The following SGCD variants were observed in gnomAD, a reference collection of about 807,000 sequenced individuals.
SGCD encodes delta-sarcoglycan.
Under a neutral mutation model 36.6 loss-of-function variants are expected in SGCD, and 18 were observed. The observed-to-expected ratio is 0.49, with a 90% CI of 0.34 to 0.73. SGCD has a LOEUF of 0.73. Among genes scored for constraint, SGCD ranks in the 30% least tolerant of loss-of-function variants. The pLI, the probability that SGCD is intolerant of heterozygous loss-of-function variation, is 0.01. For missense variants in SGCD, 387 were observed against 346.7 expected (o/e 1.12, Z -0.92); for synonymous variants, 133 against 130.6 (o/e 1.02, Z -0.12).
intron 1 of SGCD, among the ~76,000 whole-genome samples, chr5:155,958,895 C>T (rs1352297908): frequency 6.6e-6 from 1 of 152,068 alleles, no homozygotes; most frequent in Non-Finnish European, 1.5e-5. Context: ...TGAAGGCAGG[C>T]AGTAGGGGTG....
At chr5:156,317,673 T>G (rs112605365) in intron 3 of SGCD, among the ~76,000 whole-genome samples, 7 of 152,330 alleles carry the variant, frequency 4.6e-5, no homozygotes, top group African/African-American at 1.4e-4. Context: ...GTTCTGTGTT[T>G]TGATTTTGCT....
chr5:156,122,825 T>G (rs112321463), intron 2 of SGCD, among the ~76,000 whole-genome samples: 1 of 111,468 alleles, frequency 9.0e-6, no homozygotes, highest in Non-Finnish European at 1.7e-5. Flanking sequence ...TGCACCAGCA[T>G]GGTAGTAAAA....
At chr5:155,734,981 G>A in the SGCD span, among the ~76,000 whole-genome samples, 1 of 152,144 alleles carries the variant, frequency 6.6e-6, no homozygotes, top group Non-Finnish European at 1.5e-5. Context: ...CTATATATAA[G>A]CTTCTTGAGA....
At chr5:156,370,172 C>A (rs574117054) in intron 3 of SGCD, among the ~76,000 whole-genome samples, 1 of 152,076 alleles carries the variant, frequency 6.6e-6, no homozygotes, top group African/African-American at 2.4e-5. Flanking sequence ...TACTTTATTA[C>A]GCACAGGCTC....
intron 1 of SGCD, among the ~76,000 whole-genome samples, chr5:156,057,199 C>T (rs1374568798): frequency 8.9e-5 from 13 of 146,204 alleles, no homozygotes; most frequent in Admixed American, 6.8e-4. Context: ...AGTATTATCC[C>T]ATTAATATAT....
At chr5:156,663,542 C>G (rs1764021100) in intron 7 of SGCD, among the ~76,000 whole-genome samples, 2 of 147,802 alleles carry the variant, frequency 1.4e-5, no homozygotes, top group African/African-American at 2.6e-5. Flanking sequence ...TTGAGCAATC[C>G]TGTCTCTTGG....
At chr5:155,731,109 AAGAC>A in the SGCD span, among the ~76,000 whole-genome samples, 10 of 152,182 alleles carry the variant, frequency 6.6e-5, no homozygotes, top group South Asian at 2.1e-4. Context: ...AAAAAGGAGA[AAGAC>A]AGAGGGGCAC....
intron 4 of SGCD, among the ~76,000 whole-genome samples, chr5:156,515,560 G>A (rs1021574218): frequency 1.3e-5 from 2 of 152,188 alleles, no homozygotes; most frequent in African/African-American, 4.8e-5. Context: ...GCAATGGGGA[G>A]TTCCCGCCCC....
the SGCD span, among the ~76,000 whole-genome samples, chr5:155,823,560 T>G: frequency 5.3e-5 from 8 of 152,302 alleles, no homozygotes; most frequent in Admixed American, 1.3e-4. Flanking sequence ...CATGGTTATT[T>G]GTCTTCTGCA....
intron 3 of SGCD, among the ~76,000 whole-genome samples, chr5:156,353,662 T>C (rs1376860300): frequency 6.6e-6 from 1 of 152,216 alleles, no homozygotes; most frequent in Non-Finnish European, 1.5e-5. Flanking sequence ...CTTCCTCTAC[T>C]GAGAAAATCA....
intron 1 of SGCD, among the ~76,000 whole-genome samples, chr5:156,016,080 C>A (rs1480081232): frequency 6.6e-6 from 1 of 152,058 alleles, no homozygotes; most frequent in African/African-American, 2.4e-5. Context: ...TCCCTTCTTT[C>A]ACAGTGAGAA....
At chr5:156,570,223 G>A (rs932153217) in intron 4 of SGCD, among the ~76,000 whole-genome samples, 11 of 152,094 alleles carry the variant, frequency 7.2e-5, no homozygotes, top group Admixed American at 5.9e-4. Flanking sequence ...TGGCACTGTT[G>A]TTTGGCATTT....
intron 3 of SGCD, among the ~76,000 whole-genome samples, chr5:156,190,020 G>C (rs1439221966): frequency 6.6e-6 from 1 of 152,088 alleles, no homozygotes; most frequent in Non-Finnish European, 1.5e-5. Flanking sequence ...TCTCTGGTTG[G>C]CTTCCTATTT....
chr5:156,450,678 T>C lies in SGCD; in HGVS notation c.193-57923T>C, dbSNP rs562721467. On this transcript the variant is annotated intron_variant, in intron 3 of 8. Transcript: ENST00000337851. ...TTATGGTGGGAGTTGTGGAATCCTA[T>C]TGCCAACAAAACACTGGCATTCATT... Among the ~76,000 whole-genome samples, 10 of 152,246 alleles carry C rather than the reference T, an allele frequency of 6.6e-5. No homozygotes were observed. In the South Asian group the frequency reaches 2.1e-3, roughly 32 times the overall value.
intron 3 of SGCD, among the ~76,000 whole-genome samples, chr5:156,218,868 T>A (rs1325766849): frequency 6.6e-6 from 1 of 152,176 alleles, no homozygotes; most frequent in Non-Finnish European, 1.5e-5. Context: ...TATCCCCTAT[T>A]TATACATAAT....
chr5:155,781,241 T>C, the SGCD span, among the ~76,000 whole-genome samples: 3 of 152,232 alleles, frequency 2.0e-5, no homozygotes, highest in Admixed American at 6.5e-5. Context: ...TTGTTGAAGA[T>C]TTTTTTGGTA....
In SGCD at chr5:156,223,042, A is replaced by G. The variant is rs146746423; in HGVS notation, c.-44+99023A>G. Among the ~76,000 whole-genome samples the G allele has an allele frequency of 3.8e-4, 58 of 152,230 alleles. No individual in the cohort carries two copies. In the East Asian group the frequency reaches 0.01, roughly 27 times the overall value. ...TTGAGATGCATTTTTCTGGATGTAAATAACAGTTATGATAAGTATGAAAAT... is the reference window on the plus strand; with the variant it reads ...TTGAGATGCATTTTTCTGGATGTAAGTAACAGTTATGATAAGTATGAAAAT... On this transcript the variant is annotated intron_variant, in intron 3 of 9. Transcript: ENST00000517913.
intron 7 of SGCD, among the ~76,000 whole-genome samples, chr5:156,676,941 G>A (rs1158456402): frequency 2.0e-5 from 3 of 152,188 alleles, no homozygotes; most frequent in African/African-American, 7.2e-5. Context: ...TAGCCAGGGA[G>A]ACCTTAAATA....
the SGCD span, among the ~76,000 whole-genome samples, chr5:155,809,251 T>G: frequency 4.6e-5 from 7 of 152,210 alleles, no homozygotes; most frequent in African/African-American, 9.7e-5. Flanking sequence ...GATGCATTTT[T>G]GGGAATTGAG....
Sources: gnomAD v4.1 joint callset for allele counts (sites outside exome capture counted in the v4.1 genomes callset) on GRCh38, gnomAD v4.1.1 for gene constraint, MANE v1.5 for transcripts, NCBI Gene and HGNC (gene_info 2026-07-23, HGNC 2026-07-21) for gene names.